Variants in PPFIA2 observed in about 807,000 individuals in gnomAD.
PPFIA2 encodes PPFI scaffold protein A2.
In PPFIA2, 46 loss-of-function variants were observed where a neutral mutation model predicts 175.5. The ratio of observed to expected loss-of-function variants is 0.26; its 90% CI spans 0.21 to 0.34. The LOEUF (loss-of-function observed/expected upper bound fraction) is 0.34, where lower values mean the gene tolerates loss of function less well. PPFIA2 is among the 10% of genes least tolerant of loss of function. The probability of loss-of-function intolerance (pLI) is 1.00; values close to 1 mark genes in which losing one functional copy is unlikely to be tolerated. For synonymous variants in PPFIA2, 568 were observed against 511.4 expected (o/e 1.11, Z -1.49); for missense variants, 1,179 against 1,506.1 (o/e 0.78, Z 3.60).
At position 81,526,293 on chromosome 12, in the gene PPFIA2, A is replaced by C. The variant is rs2063725858; in HGVS notation, c.304-68427T>G. ...TCCTGATAGTTGAGAATAAGGGTGCATGTGGCCCTGATTGCTAATGCAGGC... is the reference window on the plus strand; with the variant it reads ...TCCTGATAGTTGAGAATAAGGGTGCCTGTGGCCCTGATTGCTAATGCAGGC... On this transcript the variant is annotated intron_variant, in intron 4 of 32. Coordinates refer to ENST00000549396, the MANE Select transcript of PPFIA2 (RefSeq NM_003625.5). 1.3e-5 allele frequency among the ~76,000 whole-genome samples: 2 copies of C among 152,176 alleles called. 1 individual carries two copies. The highest frequency in any genetic ancestry group is 2.9e-5 in the Non-Finnish European group (2 of 68,026).
intron 7 of PPFIA2, among the ~76,000 whole-genome samples, chr12:81,433,201 A>G (rs2048407032): frequency 6.6e-6 from 1 of 152,170 alleles, no homozygotes; most frequent in African/African-American, 2.4e-5. Flanking sequence ...CTTATTCTTG[A>G]AACAGCAGTT....
intron 3 of PPFIA2, among the ~76,000 whole-genome samples, chr12:81,720,200 TA>T: frequency 6.6e-6 from 1 of 151,582 alleles, no homozygotes; most frequent in East Asian, 2.0e-4. Context: ...CCCTAATTGT[TA>T]CTCTCTTCTG....
chr12:81,626,831 TTATTCTC>T (rs148420470), intron 4 of PPFIA2, among the ~76,000 whole-genome samples: 245 of 152,200 alleles, frequency 1.6e-3, no homozygotes, highest in African/African-American at 5.8e-3. Flanking sequence ...AAATCATTCT[TTATTCTC>T]TAGACACTTT....
At chr12:81,500,806 G>A (rs1210180140) in intron 4 of PPFIA2, among the ~76,000 whole-genome samples, 2 of 152,086 alleles carry the variant, frequency 1.3e-5, no homozygotes, top group East Asian at 1.9e-4. Context: ...TAAACCATAG[G>A]CTTTCCTGAA....
intron 4 of PPFIA2, among the ~76,000 whole-genome samples, chr12:81,669,760 G>A (rs1029723615): frequency 1.3e-5 from 2 of 151,874 alleles, no homozygotes; most frequent in Non-Finnish European, 2.9e-5. Context: ...GATAAGCTAT[G>A]GAGAAAAAGG....
At chr12:81,331,653 A>C (rs1285014927) in intron 21 of PPFIA2, among the ~76,000 whole-genome samples, 1 of 152,228 alleles carries the variant, frequency 6.6e-6, no homozygotes, top group Non-Finnish European at 1.5e-5. Flanking sequence ...AACTTGCTAA[A>C]GTGGCCCTAA....
intron 22 of PPFIA2, among the ~76,000 whole-genome samples, chr12:81,316,061 G>T (rs1478070704): frequency 1.3e-5 from 2 of 151,398 alleles, no homozygotes; most frequent in Non-Finnish European, 3.0e-5. Flanking sequence ...CTGAACCAAA[G>T]ATATTTAATT....
chr12:81,549,125 C>T (rs1008591068), intron 4 of PPFIA2, among the ~76,000 whole-genome samples: 4 of 152,038 alleles, frequency 2.6e-5, no homozygotes, highest in African/African-American at 4.8e-5. Flanking sequence ...CTGAATATAT[C>T]CCTTAGAGAT....
intron 7 of PPFIA2, among the ~76,000 whole-genome samples, chr12:81,423,824 C>T (rs1279925513): frequency 2.0e-5 from 3 of 151,972 alleles, no homozygotes; most frequent in South Asian, 4.1e-4. Context: ...AATGACATGA[C>T]CACAGACATA....
intron 24 of PPFIA2, chr12:81,294,579 G>A: frequency 2.2e-6 from 1 of 460,496 alleles, no homozygotes; most frequent in South Asian, 2.6e-5. Context: ...GGGTCTTGTC[G>A]CTTGGGAGAA....
At chr12:81,267,227 GAGAC>G (rs1160544209) in intron 29 of PPFIA2, 1 of 574,608 alleles carries the variant, frequency 1.7e-6, no homozygotes, top group Non-Finnish European at 3.2e-6. Flanking sequence ...GAACAGTAGA[GAGAC>G]AGTCTTGCAT....
At chr12:81,605,483 TAAC>T in intron 4 of PPFIA2, among the ~76,000 whole-genome samples, 1 of 151,888 alleles carries the variant, frequency 6.6e-6, no homozygotes, top group Non-Finnish European at 1.5e-5. Context: ...CATTACACGA[TAAC>T]AAAGCATTTT....
intron 4 of PPFIA2, among the ~76,000 whole-genome samples, chr12:81,468,895 G>C (rs1055501739): frequency 6.6e-6 from 1 of 151,556 alleles, no homozygotes; most frequent in South Asian, 2.1e-4. Context: ...TTTATCACTG[G>C]GGGGTGGGGG....
intron 8 of PPFIA2, among the ~76,000 whole-genome samples, chr12:81,394,516 A>G (rs1229788276): frequency 2.6e-5 from 4 of 152,072 alleles, no homozygotes; most frequent in Non-Finnish European, 5.9e-5. Flanking sequence ...CAGTTCCAAA[A>G]GAATATGTGC....
chr12:81,647,930 T>A (rs974821825), intron 4 of PPFIA2, among the ~76,000 whole-genome samples: 6 of 144,818 alleles, frequency 4.1e-5, no homozygotes, highest in Non-Finnish European at 9.0e-5. Context: ...GAACTATGAT[T>A]AAAAATTAAA....
chr12:81,381,007 CA>C (rs201103099), intron 9 of PPFIA2, among the ~76,000 whole-genome samples: 2,525 of 128,070 alleles, frequency 0.02, 127 homozygotes, highest in East Asian at 0.18. Flanking sequence ...TGTGTGTATA[CA>C]AAAAAAAAAA....
intron 4 of PPFIA2, among the ~76,000 whole-genome samples, chr12:81,615,097 G>A (rs2061318618): frequency 6.6e-6 from 1 of 152,152 alleles, no homozygotes; most frequent in Non-Finnish European, 1.5e-5. Context: ...ATCTGATTAA[G>A]TCTTTAATTT....
chr12:81,683,349 AATAT>A (rs34094230), intron 3 of PPFIA2, among the ~76,000 whole-genome samples: 49 of 149,736 alleles, frequency 3.3e-4, no homozygotes, highest in African/African-American at 6.6e-4. Context: ...TGAAAAAAAT[AATAT>A]ATATATATAT....
chr12:81,411,178 G>T (rs2043897506), intron 7 of PPFIA2, among the ~76,000 whole-genome samples: 1 of 152,106 alleles, frequency 6.6e-6, no homozygotes, highest in African/African-American at 2.4e-5. Context: ...GTGTGTAGAA[G>T]ATCACAGGCA....
Sources: gnomAD v4.1 joint callset for allele counts (sites outside exome capture counted in the v4.1 genomes callset) on GRCh38, gnomAD v4.1.1 for gene constraint, MANE v1.5 for transcripts, NCBI Gene and HGNC (gene_info 2026-07-23, HGNC 2026-07-21) for gene names.